The following PFKL variants were observed in gnomAD, a reference collection of about 807,000 sequenced individuals.
PFKL encodes phosphofructokinase, liver type.
A neutral mutation model predicts 92.1 loss-of-function variants in PFKL; 74 were observed. That is an observed-to-expected ratio of 0.80 (90% CI 0.67 to 0.97). PFKL has a LOEUF of 0.97. Among genes scored for constraint, PFKL ranks in the 50% least tolerant of loss-of-function variants. The pLI, the probability that PFKL is intolerant of heterozygous loss-of-function variation, is 0.00. For synonymous variants in PFKL, 494 were observed against 456.4 expected (o/e 1.08, Z -1.05); for missense variants, 1,028 against 1,116.6 (o/e 0.92, Z 1.13).
At chr21:44,325,547 A>T in intron 19 of PFKL, 1 of 541,168 alleles carries the variant, frequency 1.8e-6, no homozygotes, top group Admixed American at 3.1e-5. Flanking sequence ...ACTTCCGCCG[A>T]ACCCCTCACC....
chr21:44,313,698 C>T lies in PFKL; in HGVS notation c.638+16C>T. 1 of 1,607,982 alleles carries T rather than the reference C, an allele frequency of 6.2e-7. No individual in the cohort carries two copies. The highest frequency in any genetic ancestry group is 1.1e-5 in the South Asian group (1 of 90,072). On this transcript the variant is annotated intron_variant, in intron 6 of 21. Transcript: ENST00000349048. ...GGCACTGCGGGTGAGGAGGGGCTTC[C>T]TGGCCCGCTGGGTGGCCCGGGTGCT...
chr21:44,324,050 C>A, intron 16 of PFKL, 132 bp downstream of exon 16: 1 of 1,040,636 alleles, frequency 9.6e-7, no homozygotes, highest in Non-Finnish European at 1.4e-6. Flanking sequence ...GTTTGTGGGG[C>A]ACAGGCCCGG....
At chr21:44,304,863 C>T (rs990057287) in intron 1 of PFKL, among the ~76,000 whole-genome samples, 9 of 152,174 alleles carry the variant, frequency 5.9e-5, no homozygotes, top group Admixed American at 1.3e-4. Context: ...CTGTAGCAGC[C>T]GTGCTCCCAT....
chr21:44,313,677 CTG>C lies in PFKL; in HGVS notation c.634_635del (p.Cys212ArgfsTer33), dbSNP rs758421669. 1 of 1,612,002 alleles carries C rather than the reference CTG, an allele frequency of 6.2e-7. No individual in the cohort carries two copies. Among genetic ancestry groups the C allele is most frequent in the Non-Finnish European group, 8.5e-7 (1 of 1,179,530 alleles). On this transcript the variant is annotated frameshift_variant, in exon 6 of 22. Coordinates refer to ENST00000349048, the MANE Select transcript of PFKL (RefSeq NM_002626.6). LOFTEE classifies it high-confidence loss of function. ...TFVLEVMGRH[C>X]GYLALVSALA... ...TCGTGCTGGAAGTGATGGGCCGGCACTGCGGGTGAGGAGGGGCTTCCTGGCCC... is the reference window on the plus strand; with the variant it reads ...TCGTGCTGGAAGTGATGGGCCGGCACCGGGTGAGGAGGGGCTTCCTGGCCC...
rs766268129 is a variant in PFKL, at chr21:44,316,439, T to C, written c.851T>C (p.Val284Ala). ...ISSSYVKDLV[V>A]QRLGFDTRVT... ...CTTCCCACTGTCCTGCAGCTGGTGG[T>C]TCAGAGGCTGGGCTTCGACACCCGT... The change falls in exon 9 of 22, where the codon GTT (valine) becomes GCT (alanine). Residue 284 changes from valine (V) to alanine (A), a missense_variant. Physicochemically the swap from Val to Ala is moderately conservative, Grantham distance 64 (BLOSUM62 0). Coordinates refer to ENST00000349048, the MANE Select transcript of PFKL (RefSeq NM_002626.6). 4 of 1,611,984 alleles carry C rather than the reference T, an allele frequency of 2.5e-6. No homozygotes were observed. The East Asian group carries it at 8.9e-5, about 36-fold the overall frequency.
At chr21:44,319,728 G>A in intron 11 of PFKL, 1 of 533,692 alleles carries the variant, frequency 1.9e-6, no homozygotes, top group East Asian at 3.2e-5. Context: ...GCTGGCAGAT[G>A]TTGGGTGTGG....
Position 44,316,456 on chromosome 21 carries a change from G to C in PFKL, c.868G>C (p.Asp290His), listed in dbSNP as rs372280224. 7 of 1,611,582 alleles carry C rather than the reference G, an allele frequency of 4.3e-6. 1 individual carries two copies. Among genetic ancestry groups the C allele is most frequent in the African/African-American group, 4.0e-5 (3 of 74,896 alleles). Reference sequence around the variant, plus strand: ...GCTGGTGGTTCAGAGGCTGGGCTTCGACACCCGTGTAACTGTGCTGGGCCA... The same window carrying C: ...GCTGGTGGTTCAGAGGCTGGGCTTCCACACCCGTGTAACTGTGCTGGGCCA... ...KDLVVQRLGFDTRVTVLGHVQ... is the reference protein window; with the variant it reads ...KDLVVQRLGFHTRVTVLGHVQ... Residue 290 changes from aspartate to histidine, a missense_variant, in exon 9 of 22, where the codon GAC becomes CAC. Asp to His is a moderately conservative substitution (Grantham distance 81). Coordinates refer to ENST00000349048, the MANE Select transcript of PFKL (RefSeq NM_002626.6).
intron 14 of PFKL, 95 bp downstream of exon 14, chr21:44,322,298 G>T (rs2047378404): frequency 1.7e-6 from 2 of 1,211,862 alleles, no homozygotes; most frequent in South Asian, 2.8e-5. Context: ...CCAGCCCGGG[G>T]CCCTGGGCTC....
In PFKL at chr21:44,318,527, C is replaced by G. The variant is rs1489155480; in HGVS notation, c.994C>G (p.Pro332Ala). Reference sequence around the variant, plus strand: ...GCTGCTGGAAGCCACGCCTGACACGCCGGCCTGCGTGGTCACCCTCTCGGG... The same window carrying G: ...GCTGCTGGAAGCCACGCCTGACACGGCGGCCTGCGTGGTCACCCTCTCGGG... ...MALLEATPDTPACVVTLSGNQ... is the reference protein window; with the variant it reads ...MALLEATPDTAACVVTLSGNQ... The change falls in exon 10 of 22, where the codon CCG becomes GCG. Residue 332 changes from proline (P) to alanine (A), a missense_variant. Physicochemically the swap from Pro to Ala is conservative, Grantham distance 27. Coordinates refer to ENST00000349048, the MANE Select transcript of PFKL (RefSeq NM_002626.6). 3 of 1,578,376 alleles carry G rather than the reference C, an allele frequency of 1.9e-6. No individual in the cohort carries two copies. In the South Asian group the frequency reaches 3.4e-5, roughly 18 times the overall value.
At chr21:44,308,224 C>A (rs1428123842) in intron 2 of PFKL, among the ~76,000 whole-genome samples, 1 of 152,126 alleles carries the variant, frequency 6.6e-6, no homozygotes, top group Non-Finnish European at 1.5e-5. Flanking sequence ...ACAGGAGGAG[C>A]CTTAGTCTTG....
At chr21:44,307,552 C>T (rs940321175) in intron 2 of PFKL, among the ~76,000 whole-genome samples, 4 of 152,336 alleles carry the variant, frequency 2.6e-5, no homozygotes, top group Non-Finnish European at 5.9e-5. Flanking sequence ...GCACTCAGCC[C>T]CACCCCCCTC....
At chr21:44,325,928 G>C (rs1412166962) in intron 19 of PFKL, 33 bp from the exon 20 acceptor site, 2 of 1,553,730 alleles carry the variant, frequency 1.3e-6, no homozygotes, top group Non-Finnish European at 1.8e-6. Context: ...CAGCCCAGGG[G>C]AGTCCAGGGA....
chr21:44,326,681 C>A, intron 21 of PFKL, 34 bp from the exon 22 acceptor site: 1 of 1,605,342 alleles, frequency 6.2e-7, no homozygotes, highest in South Asian at 1.1e-5. Context: ...TGACCCCTGA[C>A]TCCCCATCAT....
At chr21:44,313,397 A>C (rs541346782) in intron 5 of PFKL, among the ~76,000 whole-genome samples, 1 of 152,306 alleles carries the variant, frequency 6.6e-6, no homozygotes, top group Admixed American at 6.5e-5. Flanking sequence ...CCCCAAAGGA[A>C]GTCCTGGGCT....
At chr21:44,310,159 C>A (rs577801860) in intron 2 of PFKL, among the ~76,000 whole-genome samples, 33 of 152,342 alleles carry the variant, frequency 2.2e-4, no homozygotes, top group Middle Eastern at 3.4e-3. Context: ...CTTCTCCTCT[C>A]CACACCCTTA....
chr21:44,305,221 G>A (rs934224365), intron 1 of PFKL: 4 of 1,273,648 alleles, frequency 3.1e-6, no homozygotes, highest in East Asian at 5.6e-5. Flanking sequence ...TGGCTGCTAC[G>A]TGAGAACAGT....
At chr21:44,306,807 C>A in intron 2 of PFKL, 53 bp downstream of exon 2, 1 of 1,504,614 alleles carries the variant, frequency 6.6e-7, no homozygotes, top group Non-Finnish European at 9.2e-7. Flanking sequence ...TCCTGAGGCG[C>A]ATGCCGAGGT....
rs2047200786 is a variant in PFKL at position 44,316,246 on chromosome 21, T to C, written c.750T>C (p.Thr250=). 6.2e-7 allele frequency: 1 copy of C among 1,612,870 alleles called. No individual in the cohort carries two copies. The highest frequency in any genetic ancestry group is 1.3e-5 in the African/African-American group (1 of 75,032). The change falls in exon 8 of 22, where the codon ACT becomes ACC. Residue 250 remains threonine, a splice_region_variant and synonymous_variant. Coordinates refer to ENST00000349048, the MANE Select transcript of PFKL (RefSeq NM_002626.6). The part of the protein sequence containing the change: ...ENFMCERLGE[T]RSRGSRLNII... ...GCCCTGTCGTGTCTTTGACCCAGAC[T>C]CGGAGCCGTGGGTCCCGACTGAACA... is the stretch of plus-strand genomic sequence containing the variant.
intron 9 of PFKL, among the ~76,000 whole-genome samples, chr21:44,316,790 G>A (rs2047220740): frequency 6.6e-6 from 1 of 152,122 alleles, no homozygotes; most frequent in Admixed American, 6.5e-5. Context: ...CCCTCAAGCT[G>A]TTGCTCCTCC....
Sources: allele counts gnomAD v4.1 joint callset (sites outside exome capture counted in the v4.1 genomes callset), GRCh38; gene constraint gnomAD v4.1.1; transcripts MANE v1.5; gene names NCBI Gene and HGNC (gene_info 2026-07-23, HGNC 2026-07-21).